The following GRID1 variants were observed in gnomAD, a reference collection of about 807,000 sequenced individuals.
GRID1 encodes glutamate receptor ionotropic, delta-1.
Under a neutral mutation model 98.0 loss-of-function variants are expected in GRID1, and 28 were observed. The observed-to-expected ratio is 0.29, with a 90% CI of 0.21 to 0.39. The LOEUF is 0.39. Among genes scored for constraint, GRID1 ranks in the 10% least tolerant of loss-of-function variants. The pLI, the probability that GRID1 is intolerant of heterozygous loss-of-function variation, is 1.00. For synonymous variants in GRID1, 553 were observed against 538.5 expected (o/e 1.03, Z -0.37); for missense variants, 1,111 against 1,340.5 (o/e 0.83, Z 2.67).
chr10:85,710,746 C>G lies in GRID1; in HGVS notation c.1997+12257G>C, dbSNP rs144354573. 6.7e-3 allele frequency among the ~76,000 whole-genome samples: 1,016 copies of G among 151,864 alleles called. 11 individuals carry two copies. Among genetic ancestry groups the G allele is most frequent in the African/African-American group, 0.023 (954 of 41,478 alleles). Reference sequence around the variant, plus strand: ...TAATATCTGGAATGTATAAAGAACCCCTTCAACTTAATAACAAAGAAAACC... The same window carrying G: ...TAATATCTGGAATGTATAAAGAACCGCTTCAACTTAATAACAAAGAAAACC... On this transcript the variant is annotated intron_variant, in intron 12 of 15. Coordinates refer to ENST00000327946, the MANE Select transcript of GRID1 (RefSeq NM_017551.3).
At chr10:85,651,936 C>G (rs1843276768) in intron 12 of GRID1, among the ~76,000 whole-genome samples, 2 of 152,202 alleles carry the variant, frequency 1.3e-5, no homozygotes, top group South Asian at 4.1e-4. Flanking sequence ...TCAAGTGTGT[C>G]CTACCAAAAG....
intron 15 of GRID1, among the ~76,000 whole-genome samples, chr10:85,611,649 G>C (rs1456241652): frequency 6.6e-6 from 1 of 152,124 alleles, no homozygotes; most frequent in Non-Finnish European, 1.5e-5. Context: ...TTCTACTGGG[G>C]GTGGCTTTGG....
chr10:86,084,198 A>C (rs1283294360), intron 4 of GRID1, among the ~76,000 whole-genome samples: 2 of 152,128 alleles, frequency 1.3e-5, no homozygotes. Flanking sequence ...GAGGCGCCCT[A>C]GGTGCCCAGC....
chr10:85,967,387 AG>A (rs1442958643), intron 4 of GRID1, among the ~76,000 whole-genome samples: 1 of 152,226 alleles, frequency 6.6e-6, no homozygotes, highest in Non-Finnish European at 1.5e-5. Flanking sequence ...CCCAGGATAA[AG>A]GGGACTTATT....
intron 5 of GRID1, among the ~76,000 whole-genome samples, chr10:85,891,578 C>T (rs909063509): frequency 1.3e-5 from 2 of 152,096 alleles, no homozygotes; most frequent in African/African-American, 4.8e-5. Context: ...CATAACTAGA[C>T]ATACATAACT....
In GRID1 at chr10:86,225,423, C is replaced by T. The variant is rs541192264; in HGVS notation, c.236-18775G>A. Among the ~76,000 whole-genome samples, 3 of 152,294 alleles carry T rather than the reference C, an allele frequency of 2.0e-5. No individual in the cohort carries two copies. The East Asian group carries it at 5.8e-4, about 29-fold the overall frequency. On this transcript the variant is annotated intron_variant, in intron 2 of 15. Transcript: ENST00000327946. ...GGCTGAGAATTACGAATATTTATAG[C>T]GTTTAAGCATAATCGTATTCAGATG...
chr10:86,233,608 G>A (rs920619942), intron 2 of GRID1, among the ~76,000 whole-genome samples: 5 of 152,292 alleles, frequency 3.3e-5, no homozygotes, highest in Non-Finnish European at 5.9e-5. Context: ...GGTGGTAGAG[G>A]AGGTCACCCC....
intron 4 of GRID1, among the ~76,000 whole-genome samples, chr10:86,029,611 A>G (rs1319090106): frequency 6.6e-6 from 1 of 152,226 alleles, no homozygotes; most frequent in Non-Finnish European, 1.5e-5. Context: ...AAAGCTTATC[A>G]TACATTTGTC....
chr10:86,284,221 C>A (rs1847397398), intron 2 of GRID1, among the ~76,000 whole-genome samples: 1 of 151,838 alleles, frequency 6.6e-6, no homozygotes, highest in Non-Finnish European at 1.5e-5. Context: ...CATATATACA[C>A]CTGTCTTCAA....
At chr10:85,666,838 G>T (rs929638564) in intron 12 of GRID1, among the ~76,000 whole-genome samples, 2 of 152,086 alleles carry the variant, frequency 1.3e-5, no homozygotes, top group African/African-American at 4.8e-5. Context: ...CTCACATCAG[G>T]TGCAGGTGTC....
Position 85,599,802 on chromosome 10 carries a change from A to AAAAATATACATATATATATAT in GRID1, c.*2470_*2471insATATATATATATGTATATTTT. 1.2e-4 allele frequency: 8 copies of AAAAATATACATATATATATAT among 65,000 alleles called. 3 individuals are homozygous for AAAAATATACATATATATATAT. Among genetic ancestry groups the AAAAATATACATATATATATAT allele is most frequent in the African/African-American group, 7.5e-4 (8 of 10,730 alleles). The allele number at this position is 65,000 out of a possible 1,614,324, so 4.0% of individuals were successfully genotyped here. Reference sequence around the variant, plus strand: ...GTAGAAAATTCTAAAAAAAAAAAAAAATATATATATATATATATAAACATG... The same window carrying AAAAATATACATATATATATAT: ...GTAGAAAATTCTAAAAAAAAAAAAAAAAAATATACATATATATATATATATATATATATATATATAAACATG... On this transcript the variant is annotated 3_prime_UTR_variant, in exon 16 of 16. Transcript: ENST00000327946.
Position 86,157,333 on chromosome 10 carries a change from C to T in GRID1, c.521-18309G>A, listed in dbSNP as rs145636504. ...GCCCAGGAAGAGATACAGAGCAAGA[C>T]AGAATGAGGGCTAAGGACATGGCAT... On this transcript the variant is annotated intron_variant, in intron 3 of 15. Coordinates refer to ENST00000327946, the MANE Select transcript of GRID1 (RefSeq NM_017551.3). Among the ~76,000 whole-genome samples, 372 of 152,206 alleles carry T rather than the reference C, an allele frequency of 2.4e-3. 1 individual carries two copies. The highest frequency in any genetic ancestry group is 4.1e-3 in the Non-Finnish European group (278 of 68,014).
At chr10:85,963,253 T>A (rs1842293507) in intron 4 of GRID1, among the ~76,000 whole-genome samples, 1 of 152,172 alleles carries the variant, frequency 6.6e-6, no homozygotes, top group South Asian at 2.1e-4. Flanking sequence ...GAAATTGGGT[T>A]TCGGGTCCCA....
At chr10:85,745,925 A>C (rs948985286) in intron 8 of GRID1, among the ~76,000 whole-genome samples, 1 of 152,182 alleles carries the variant, frequency 6.6e-6, no homozygotes, top group African/African-American at 2.4e-5. Context: ...TAGAGTGAAG[A>C]AACAAAGAAG....
At chr10:85,704,535 C>T (rs1170666201) in intron 12 of GRID1, among the ~76,000 whole-genome samples, 2 of 152,156 alleles carry the variant, frequency 1.3e-5, no homozygotes, top group African/African-American at 4.8e-5. Context: ...CTTTAACATC[C>T]CACTGTCAAC....
intron 4 of GRID1, among the ~76,000 whole-genome samples, chr10:86,090,412 T>TA (rs1190436910): frequency 6.6e-6 from 1 of 150,986 alleles, no homozygotes; most frequent in African/African-American, 2.4e-5. Flanking sequence ...GACTGTGTCT[T>TA]AAAAAATAAA....
intron 8 of GRID1, among the ~76,000 whole-genome samples, chr10:85,826,988 A>G (rs1353911107): frequency 1.3e-5 from 2 of 152,194 alleles, no homozygotes; most frequent in African/African-American, 4.8e-5. Flanking sequence ...TCAAAGGACA[A>G]CTTCAAAGAT....
At chr10:85,783,555 TAAC>T (rs1842399523) in intron 8 of GRID1, among the ~76,000 whole-genome samples, 1 of 152,178 alleles carries the variant, frequency 6.6e-6, no homozygotes, top group Non-Finnish European at 1.5e-5. Context: ...AGGGGAGGAC[TAAC>T]CTCTGAGGAT....
chr10:86,286,507 CGAGT>C, intron 2 of GRID1, among the ~76,000 whole-genome samples: 1 of 152,300 alleles, frequency 6.6e-6, no homozygotes, highest in South Asian at 2.1e-4. Flanking sequence ...CGTCCTCCCA[CGAGT>C]GAGGCCACGA....
Sources: allele counts gnomAD v4.1 joint callset (sites outside exome capture counted in the v4.1 genomes callset), GRCh38; gene constraint gnomAD v4.1.1; transcripts MANE v1.5; gene names NCBI Gene and HGNC (gene_info 2026-07-23, HGNC 2026-07-21).